MYH10: variants seen among roughly 807,000 people sequenced by gnomAD.
The protein encoded by MYH10 is myosin heavy chain 10.
In MYH10, 55 loss-of-function variants were observed where a neutral mutation model predicts 257.8. That is an observed-to-expected ratio of 0.21 (90% CI 0.17 to 0.27). The LOEUF (loss-of-function observed/expected upper bound fraction) is 0.27, where lower values mean the gene tolerates loss of function less well. Among genes scored for constraint, MYH10 ranks in the 10% least tolerant of loss-of-function variants. The probability of loss-of-function intolerance (pLI) is 1.00; values close to 1 mark genes in which losing one functional copy is unlikely to be tolerated. For synonymous variants in MYH10, 854 were observed against 921.7 expected, an observed-to-expected ratio of 0.93 and a Z score of 1.33; for missense variants, 1,631 against 2,500.6, an observed-to-expected ratio of 0.65 and a Z score of 7.42.
chr17:8,537,583 G>C (rs1373211570), intron 14 of MYH10, among the ~76,000 whole-genome samples: 3 of 152,130 alleles, frequency 2.0e-5, no homozygotes, highest in Non-Finnish European at 4.4e-5. Flanking sequence ...AGAGTGGCAG[G>C]TAACTCAATC....
downstream of MYH10, chr17:8,474,222 T>G (rs919533413): frequency 5.9e-5 from 9 of 152,674 alleles, no homozygotes; most frequent in Admixed American, 5.2e-4. Flanking sequence ...TTCACATGAT[T>G]ATTCTTGTTT....
intron 17 of MYH10, among the ~76,000 whole-genome samples, chr17:8,528,437 T>C (rs1261919610): frequency 6.6e-6 from 1 of 152,222 alleles, no homozygotes; most frequent in Non-Finnish European, 1.5e-5. Context: ...CTTGACTTTA[T>C]AGCAGAAACT....
chr17:8,547,871 CA>C (rs1322108346), intron 11 of MYH10, among the ~76,000 whole-genome samples: 2 of 146,940 alleles, frequency 1.4e-5, no homozygotes, highest in African/African-American at 5.2e-5. Context: ...CTGACCAATG[CA>C]AATTTAAAAC....
chr17:8,498,710 T>C (rs1304644392), intron 30 of MYH10, among the ~76,000 whole-genome samples: 1 of 151,888 alleles, frequency 6.6e-6, no homozygotes, highest in African/African-American at 2.4e-5. Context: ...TAGCCGGACA[T>C]GGTGGCGGGT....
chr17:8,556,949 T>C (rs1462785194), intron 7 of MYH10, among the ~76,000 whole-genome samples: 2 of 152,182 alleles, frequency 1.3e-5, no homozygotes, highest in Non-Finnish European at 2.9e-5. Context: ...ACTATAAACA[T>C]ATTAAGTTAA....
intron 38 of MYH10, 51 bp from the exon 39 acceptor site, chr17:8,480,576 A>G (rs6503120): frequency 0.99 from 1,579,668 of 1,596,942 alleles, 782,540 homozygotes; most frequent in East Asian, 1. Context: ...AGCACAGCAC[A>G]GGAGCCTCAG....
rs142522460 is a variant in MYH10 at position 8,604,292 on chromosome 17, C to T, written c.502+534G>A. 3.9e-5 allele frequency among the ~76,000 whole-genome samples: 6 copies of T among 152,262 alleles called. No homozygotes were observed. The East Asian group carries it at 1.2e-3, about 29-fold the overall frequency. On this transcript the variant is annotated intron_variant, in intron 3 of 42. Coordinates refer to ENST00000360416, the MANE Select transcript of MYH10 (RefSeq NM_001256012.3). ...TTCCGGTCTTTTAAAAATGTCCCTC[C>T]ATAAATCACTGTGTCTAAAGCCAGG...
intron 7 of MYH10, among the ~76,000 whole-genome samples, chr17:8,565,449 G>A (rs1166089761): frequency 6.6e-6 from 1 of 152,116 alleles, no homozygotes; most frequent in African/African-American, 2.4e-5. Flanking sequence ...TTAGTACTGT[G>A]TAGGTAACAC....
At chr17:8,547,373 CCAAT>C (rs1413124558) in intron 11 of MYH10, among the ~76,000 whole-genome samples, 9 of 152,002 alleles carry the variant, frequency 5.9e-5, no homozygotes, top group Non-Finnish European at 1.3e-4. Context: ...GGCCCAACCG[CCAAT>C]CAAACTACTT....
At chr17:8,574,033 T>G (rs1420730941) in intron 6 of MYH10, among the ~76,000 whole-genome samples, 1 of 152,208 alleles carries the variant, frequency 6.6e-6, no homozygotes, top group Non-Finnish European at 1.5e-5. Context: ...TCTAGGTAGC[T>G]ACCTAAGAAA....
chr17:8,573,176 A>G (rs972038437), intron 6 of MYH10, among the ~76,000 whole-genome samples: 3 of 152,264 alleles, frequency 2.0e-5, no homozygotes, highest in Non-Finnish European at 4.4e-5. Context: ...ATAGTATATA[A>G]TATACACTTG....
At chr17:8,621,763 T>C (rs1439358164) in intron 2 of MYH10, among the ~76,000 whole-genome samples, 1 of 152,202 alleles carries the variant, frequency 6.6e-6, no homozygotes, top group Non-Finnish European at 1.5e-5. Flanking sequence ...ATCATTCTTT[T>C]CTCAGCTTTT....
intron 26 of MYH10, among the ~76,000 whole-genome samples, chr17:8,507,323 G>A (rs7211601): frequency 0.41 from 61,924 of 152,066 alleles, 12,606 homozygotes; most frequent in East Asian, 0.5. Context: ...TATCATAAAC[G>A]CACACATTAA....
In MYH10 at chr17:8,478,417, C is replaced by T. The variant is rs766707630; in HGVS notation, c.5627G>A (p.Arg1876His). ...TTCTTTCAGCTTCTTCTCAGTGCGA[C>T]GGACTAATTTGTTGGCGGCTGCTCG... ...KERAAANKLV[R>H]RTEKKLKEIF... The change falls in exon 41 of 43, where the codon CGT becomes CAT. Residue 1876 changes from arginine (R) to histidine (H), a missense_variant. Arg to His is a conservative substitution (Grantham distance 29). This residue lies in a region of MYH10 where 343 missense variants were observed against 389.5 expected (regional missense o/e 0.88). Coordinates refer to ENST00000360416, the MANE Select transcript of MYH10 (RefSeq NM_001256012.3). The T allele has an allele frequency of 7.4e-6, 12 of 1,614,110 alleles. No homozygotes were observed. The highest frequency in any genetic ancestry group is 1.7e-5 in the Admixed American group (1 of 60,006).
At chr17:8,591,089 G>C (rs892952398) in intron 3 of MYH10, among the ~76,000 whole-genome samples, 13 of 151,886 alleles carry the variant, frequency 8.6e-5, no homozygotes. Context: ...AGCCAGGATG[G>C]TCTCGATCTC....
rs1476355667 is a variant in MYH10, at chr17:8,493,624, G to T, written c.4209+109C>A. 6 of 1,261,568 alleles carry T rather than the reference G, an allele frequency of 4.8e-6. No homozygotes were observed. In the South Asian group the frequency reaches 4.8e-5, roughly 10 times the overall value. The allele number at this position is 1,261,568 out of a possible 1,614,324, so 78.1% of individuals were successfully genotyped here. On this transcript the variant is annotated intron_variant, in intron 32 of 42. Coordinates refer to ENST00000360416, the MANE Select transcript of MYH10 (RefSeq NM_001256012.3). ...CCATTTAATGGGCTTAATTTAGTAC[G>T]ACCTAATTAACTGTCCCAAATGGAG...
rs1056780281 is a variant in MYH10, at chr17:8,577,348, A to G, written c.531-10T>C. ...AGCACCTGACTCACCCCTGAAAGAA[A>G]GAGTTAATATAGGCTGCTTTAACGA... is the stretch of plus-strand genomic sequence containing the variant. On this transcript the variant is annotated splice_polypyrimidine_tract_variant and intron_variant, in intron 4 of 42. Coordinates refer to ENST00000360416, the MANE Select transcript of MYH10 (RefSeq NM_001256012.3). The G allele has an allele frequency of 3.1e-6, 5 of 1,599,342 alleles. No individual in the cohort carries two copies. In the South Asian group the frequency reaches 5.6e-5, roughly 18 times the overall value.
At chr17:8,543,631 G>A (rs906950378) in intron 13 of MYH10, among the ~76,000 whole-genome samples, 1 of 151,986 alleles carries the variant, frequency 6.6e-6, no homozygotes, top group Non-Finnish European at 1.5e-5. Flanking sequence ...CTGCCACCAA[G>A]CCCAGCTAAT....
At chr17:8,570,957 T>C (rs1210053441) in intron 6 of MYH10, among the ~76,000 whole-genome samples, 1 of 152,174 alleles carries the variant, frequency 6.6e-6, no homozygotes, top group African/African-American at 2.4e-5. Context: ...TACAGCATGA[T>C]CTGGACTATC....
Sources: gnomAD v4.1 joint callset for allele counts (sites outside exome capture counted in the v4.1 genomes callset) on GRCh38, gnomAD v4.1.1 for gene constraint, gnomAD v4.1.1 regional missense constraint, MANE v1.5 for transcripts, NCBI Gene and HGNC (gene_info 2026-07-23, HGNC 2026-07-21) for gene names.